Variants in PBX1 observed in about 807,000 individuals in gnomAD.
PBX1 encodes the protein PBX homeobox 1.
Under a neutral mutation model 53.4 loss-of-function variants are expected in PBX1, and 6 were observed. The ratio of observed to expected loss-of-function variants is 0.11; its 90% CI spans 0.06 to 0.22. The LOEUF (loss-of-function observed/expected upper bound fraction) is 0.22, where lower values mean the gene tolerates loss of function less well. PBX1 is among the 10% of genes least tolerant of loss of function. The pLI is 1.00. For missense variants in PBX1, 251 were observed against 551.4 expected, an observed-to-expected ratio of 0.46 and a Z score of 5.46; for synonymous variants, 204 against 212.3, an observed-to-expected ratio of 0.96 and a Z score of 0.34.
At chr1:164,562,492 CA>C (rs1653131874) in intron 1 of PBX1, among the ~76,000 whole-genome samples, 2 of 145,782 alleles carry the variant, frequency 1.4e-5, no homozygotes, top group Non-Finnish European at 3.0e-5. Context: ...CACACACACA[CA>C]CCAGGTAAAT....
chr1:164,724,387 T>G (rs987345837), intron 2 of PBX1, among the ~76,000 whole-genome samples: 15 of 152,208 alleles, frequency 9.9e-5, no homozygotes, highest in African/African-American at 3.1e-4. Context: ...GCCACTCTTT[T>G]GGCTTCCCTG....
chr1:164,588,763 C>T (rs966762409), intron 2 of PBX1, among the ~76,000 whole-genome samples: 9 of 152,028 alleles, frequency 5.9e-5, no homozygotes, highest in Non-Finnish European at 1.3e-4. Flanking sequence ...ACAGCATGGG[C>T]CCAACAGCCT....
chr1:164,734,067 T>A (rs1011244290), intron 2 of PBX1, among the ~76,000 whole-genome samples: 6 of 152,236 alleles, frequency 3.9e-5, no homozygotes, highest in African/African-American at 1.4e-4. Context: ...GTGTGCTCTG[T>A]ATTTTTCACT....
chr1:164,712,790 G>A (rs1663873981), intron 2 of PBX1, among the ~76,000 whole-genome samples: 3 of 152,186 alleles, frequency 2.0e-5, no homozygotes, highest in Admixed American at 6.5e-5. Context: ...GTTCCGTTCA[G>A]CGTCTCCGTG....
intron 2 of PBX1, among the ~76,000 whole-genome samples, chr1:164,699,675 G>A (rs544445922): frequency 1.3e-5 from 2 of 152,258 alleles, no homozygotes; most frequent in South Asian, 2.1e-4. Flanking sequence ...TTGTCTAAAA[G>A]GGAAATGCCA....
chr1:164,764,878 A>G (rs1256973819), intron 2 of PBX1, among the ~76,000 whole-genome samples: 1 of 152,170 alleles, frequency 6.6e-6, no homozygotes, highest in African/African-American at 2.4e-5. Context: ...CTGTTGGAAC[A>G]TTTGCAATGA....
chr1:164,809,549 C>G (rs1015756691), intron 5 of PBX1, among the ~76,000 whole-genome samples: 5 of 152,182 alleles, frequency 3.3e-5, no homozygotes, highest in African/African-American at 9.7e-5. Context: ...TCCTAGGGAA[C>G]TCACTCTTTC....
intron 2 of PBX1, among the ~76,000 whole-genome samples, chr1:164,871,771 C>G (rs1672388679): frequency 6.6e-6 from 1 of 152,118 alleles, no homozygotes; most frequent in Admixed American, 6.5e-5. Context: ...TCATCGAGGC[C>G]CCAAACCTCG....
At chr1:164,707,095 A>G (rs78276776) in intron 2 of PBX1, among the ~76,000 whole-genome samples, 1,651 of 152,196 alleles carry the variant, frequency 0.011, 33 homozygotes, top group African/African-American at 0.038. Flanking sequence ...GAAACAGCAA[A>G]TGTCAGGGAA....
chr1:164,777,778 C>A (rs1403432118), intron 2 of PBX1, among the ~76,000 whole-genome samples: 9 of 152,200 alleles, frequency 5.9e-5, no homozygotes, highest in Non-Finnish European at 1.2e-4. Context: ...AAGCAGAAAT[C>A]TCTTAGTCTA....
chr1:164,748,130 G>T lies in PBX1; in HGVS notation c.266-44364G>T, dbSNP rs574657933. On this transcript the variant is annotated intron_variant, in intron 2 of 8. Coordinates refer to ENST00000420696, the MANE Select transcript of PBX1 (RefSeq NM_002585.4). ...GCTAATTATACAAGCAGACTAGCAG[G>T]ATTTGAGATGCAAAGTGTTAAAACT... Among the ~76,000 whole-genome samples, 8 of 152,244 alleles carry T rather than the reference G, an allele frequency of 5.3e-5. No homozygotes were observed. The East Asian group carries it at 1.5e-3, about 29-fold the overall frequency.
intron 2 of PBX1, chr1:164,680,424 C>T (rs1007523779): frequency 1.3e-5 from 2 of 152,080 alleles, no homozygotes; most frequent in African/African-American, 4.8e-5. Flanking sequence ...GGTACACATA[C>T]AGGTTTTATT....
intron 7 of PBX1, among the ~76,000 whole-genome samples, 188 bp downstream of exon 7, chr1:164,820,372 A>G (rs747460304): frequency 2.0e-5 from 3 of 152,172 alleles, no homozygotes; most frequent in African/African-American, 4.8e-5. Flanking sequence ...TTGTGAATGC[A>G]TTTGGCTCTG....
At chr1:164,726,316 A>G (rs996893148) in intron 2 of PBX1, among the ~76,000 whole-genome samples, 10 of 152,154 alleles carry the variant, frequency 6.6e-5, no homozygotes, top group Non-Finnish European at 1.3e-4. Context: ...TGTAGAGAAA[A>G]TGGGACAGGA....
intron 2 of PBX1, among the ~76,000 whole-genome samples, chr1:164,595,357 A>G (rs1655683287): frequency 6.6e-6 from 1 of 152,218 alleles, no homozygotes. Flanking sequence ...CAGTGGCAGT[A>G]GAGCAGTTTT....
At chr1:164,687,631 CTATG>C in intron 2 of PBX1, among the ~76,000 whole-genome samples, 1 of 149,014 alleles carries the variant, frequency 6.7e-6, no homozygotes, top group South Asian at 2.2e-4. Context: ...CTGGTGTTGA[CTATG>C]TATCAGCCCA....
chr1:164,848,300 T>A lies in PBX1; in HGVS notation c.*1624T>A. On this transcript the variant is annotated 3_prime_UTR_variant, in exon 9 of 9. Transcript: ENST00000420696. ...CCCTACCAGTTATAAAGATGGCAGC[T>A]CTATCACTTGATTAAGTGGGAGGTG... 1 of 1,057,154 alleles carries A rather than the reference T, an allele frequency of 9.5e-7. No individual in the cohort carries two copies. The highest frequency in any genetic ancestry group is 1.1e-6 in the Non-Finnish European group (1 of 874,240). The allele number at this position is 1,057,154 out of a possible 1,614,324, so 65.5% of individuals were successfully genotyped here.
intron 2 of PBX1, among the ~76,000 whole-genome samples, chr1:164,730,485 T>G (rs1038679): frequency 0.28 from 41,826 of 152,078 alleles, 6,014 homozygotes; most frequent in South Asian, 0.42. Flanking sequence ...TAGTTAGTTG[T>G]GTAAGATTTT....
chr1:164,584,567 A>T (rs1329987632), intron 2 of PBX1, among the ~76,000 whole-genome samples: 1 of 152,168 alleles, frequency 6.6e-6, no homozygotes, highest in African/African-American at 2.4e-5. Context: ...ATGTTACTGA[A>T]TGGGGAGAAG....
Sources: gnomAD v4.1 joint callset for allele counts (sites outside exome capture counted in the v4.1 genomes callset) on GRCh38, gnomAD v4.1.1 for gene constraint, MANE v1.5 for transcripts, NCBI Gene and HGNC (gene_info 2026-07-23, HGNC 2026-07-21) for gene names.